CHM: variants seen among roughly 807,000 people sequenced by gnomAD.
The protein encoded by CHM is rab proteins geranylgeranyltransferase component A 1.
Under a neutral mutation model 49.0 loss-of-function variants are expected in CHM, and 10 were observed. The ratio of observed to expected loss-of-function variants is 0.20; its 90% CI spans 0.13 to 0.35. The LOEUF (loss-of-function observed/expected upper bound fraction) is 0.35, where lower values mean the gene tolerates loss of function less well. Among genes scored for constraint, CHM ranks in the 10% least tolerant of loss-of-function variants. CHM has a pLI of 1.00. For missense variants in CHM, 455 were observed against 478.4 expected (o/e 0.95, Z 0.46); for synonymous variants, 184 against 167.5 (o/e 1.10, Z -0.76).
intron 14 of CHM, among the ~76,000 whole-genome samples, chrX:85,868,395 C>T (rs907052950): frequency 9.0e-6 from 1 of 110,640 alleles, no homozygotes; most frequent in Admixed American, 9.6e-5. Context: ...GCTCTCCATC[C>T]CGGAGACTCA....
chrX:85,888,791 T>C (rs185272069), intron 12 of CHM, among the ~76,000 whole-genome samples: 1 of 112,397 alleles, frequency 8.9e-6, no homozygotes, highest in Admixed American at 9.4e-5. Context: ...ATTGCTCTAC[T>C]TCTACCAAGC....
chrX:85,909,865 T>C (rs902482738), intron 9 of CHM, among the ~76,000 whole-genome samples: 4 of 111,862 alleles, frequency 3.6e-5, no homozygotes. Flanking sequence ...TGGCTTTCTG[T>C]CATGGGAACA....
At chrX:85,972,924 G>A (rs1931030162) in intron 4 of CHM, among the ~76,000 whole-genome samples, 1 of 111,887 alleles carries the variant, frequency 8.9e-6, no homozygotes. Flanking sequence ...ACCTCTCATC[G>A]GTATGGCTAT....
At chrX:85,972,904 G>A (rs1376914216) in intron 4 of CHM, among the ~76,000 whole-genome samples, 1 of 112,335 alleles carries the variant, frequency 8.9e-6, no homozygotes, top group East Asian at 2.8e-4. Flanking sequence ...AGGACTGCCA[G>A]CACGCTGTCA....
intron 2 of CHM, among the ~76,000 whole-genome samples, chrX:86,012,183 C>G (rs1401871637): frequency 9.0e-6 from 1 of 111,564 alleles, no homozygotes; most frequent in Non-Finnish European, 1.9e-5. Flanking sequence ...ATTCAAAATT[C>G]AACATTTCAG....
chrX:85,876,888 TA>T (rs1165585244), intron 13 of CHM, among the ~76,000 whole-genome samples: 16 of 111,520 alleles, frequency 1.4e-4, no homozygotes, highest in Admixed American at 9.6e-4. Context: ...TGATTTTTTT[TA>T]AAGAAAATTA....
At chrX:85,881,581 T>G (rs891324842) in intron 12 of CHM, among the ~76,000 whole-genome samples, 1 of 111,832 alleles carries the variant, frequency 8.9e-6, no homozygotes, top group East Asian at 2.8e-4. Context: ...AGAGCTCGAA[T>G]TGAAGCCCAT....
Position 85,864,648 on chromosome X carries a change from T to C in CHM, c.1944A>G (p.Leu648=), listed in dbSNP as rs754974110. The change falls in exon 15 of 15, where the codon CTA becomes CTG. Residue 648 remains leucine, a synonymous_variant. Coordinates refer to ENST00000357749, the MANE Select transcript of CHM (RefSeq NM_000390.4). ...TFKESTNLGN[L]EESSE is the part of the protein sequence containing the mutation. ...ATATCCATTATTCAGAGGACTCCTCTAGGTTTCCAAGGTTTGTGCTTTCCT... is the reference window on the plus strand; with the variant it reads ...ATATCCATTATTCAGAGGACTCCTCCAGGTTTCCAAGGTTTGTGCTTTCCT... 4.1e-6 allele frequency: 5 copies of C among 1,209,787 alleles called. No individual in the cohort carries two copies. Among genetic ancestry groups the C allele is most frequent in the Admixed American group, 2.2e-5 (1 of 45,943 alleles).
At chrX:86,025,432 T>A (rs1933762681) in intron 2 of CHM, among the ~76,000 whole-genome samples, 1 of 111,042 alleles carries the variant, frequency 9.0e-6, no homozygotes, top group Non-Finnish European at 1.9e-5. Context: ...TTCATGCCTG[T>A]AATCCCAGCA....
intron 8 of CHM, among the ~76,000 whole-genome samples, chrX:85,914,533 G>A (rs920812539): frequency 9.1e-6 from 1 of 110,050 alleles, no homozygotes; most frequent in Non-Finnish European, 1.9e-5. Flanking sequence ...TCCCCTCAAC[G>A]GTGCGCACTC....
In CHM at chrX:86,016,204, C is replaced by T. The variant is rs750995449; in HGVS notation, c.116+11287G>A. On this transcript the variant is annotated intron_variant, in intron 2 of 14. Coordinates refer to ENST00000357749, the MANE Select transcript of CHM (RefSeq NM_000390.4). ...ATTCAGTTTTATAAGGGAAGCAGGG[C>T]ATAAAAGTTCAGAAAATTTGCAGCC... 8.2e-5 allele frequency among the ~76,000 whole-genome samples: 9 copies of T among 110,142 alleles called. No individual in the cohort carries two copies. The East Asian group carries it at 8.6e-4, about 10-fold the overall frequency.
intron 2 of CHM, among the ~76,000 whole-genome samples, chrX:86,013,432 T>C (rs1467862680): frequency 9.0e-6 from 1 of 111,648 alleles, no homozygotes; most frequent in African/African-American, 3.3e-5. Flanking sequence ...ATGCTTTACA[T>C]GTTTTAAAAC....
chrX:86,009,311 TG>T (rs1932958003), intron 2 of CHM, among the ~76,000 whole-genome samples: 1 of 112,394 alleles, frequency 8.9e-6, no homozygotes, highest in Admixed American at 9.4e-5. Flanking sequence ...CATGGAACAA[TG>T]TAAGTTTCTG....
chrX:86,018,819 A>T (rs1186982957), intron 2 of CHM, among the ~76,000 whole-genome samples: 1 of 112,093 alleles, frequency 8.9e-6, no homozygotes, highest in Non-Finnish European at 1.9e-5. Flanking sequence ...TCTATACATG[A>T]AATGACAAAA....
chrX:85,871,079 G>A (rs913510042), intron 14 of CHM, among the ~76,000 whole-genome samples: 37 of 108,908 alleles, frequency 3.4e-4, no homozygotes, highest in Non-Finnish European at 4.4e-4. Flanking sequence ...TTGGGAGGCC[G>A]AGGTGGGTGG....
At chrX:85,986,057 C>T (rs1227239752) in intron 2 of CHM, among the ~76,000 whole-genome samples, 2 of 111,081 alleles carry the variant, frequency 1.8e-5, no homozygotes, top group Non-Finnish European at 3.8e-5. Flanking sequence ...CCCTAAGTGC[C>T]TTACCCAAAC....
chrX:85,864,530 G>A lies in CHM; in HGVS notation c.*100C>T. On this transcript the variant is annotated 3_prime_UTR_variant, in exon 15 of 15. Transcript: ENST00000357749. Reference sequence around the variant, plus strand: ...CTATTACCTATTTTGCCTTATAATTGCTGCTGCTTTCTAACATTTCTCAAA... The same window carrying A: ...CTATTACCTATTTTGCCTTATAATTACTGCTGCTTTCTAACATTTCTCAAA... The A allele has an allele frequency of 2.7e-6, 2 of 745,468 alleles. No individual in the cohort carries two copies. The highest frequency in any genetic ancestry group is 2.0e-6 in the Non-Finnish European group (1 of 489,442). The allele number at this position is 745,468 out of a possible 1,213,427, so 61.4% of individuals were successfully genotyped here. A position where few individuals can be genotyped will look rare whatever the true frequency, so the allele number is the denominator to read the frequency against.
At chrX:85,894,987 A>T (rs1298348294) in intron 11 of CHM, among the ~76,000 whole-genome samples, 1 of 111,670 alleles carries the variant, frequency 9.0e-6, no homozygotes, top group African/African-American at 3.2e-5. Flanking sequence ...CCATTAATAA[A>T]ACTAGAAATT....
chrX:86,025,148 AG>A (rs764278714), intron 2 of CHM, among the ~76,000 whole-genome samples: 1 of 111,539 alleles, frequency 9.0e-6, no homozygotes, highest in East Asian at 2.8e-4. Context: ...AACTTTCAAA[AG>A]CCACCAAGTC....
Sources: gnomAD v4.1 joint callset for allele counts (sites outside exome capture counted in the v4.1 genomes callset) on GRCh38, gnomAD v4.1.1 for gene constraint, MANE v1.5 for transcripts, NCBI Gene and HGNC (gene_info 2026-07-23, HGNC 2026-07-21) for gene names.